ZNF454: variants seen among roughly 807,000 people sequenced by gnomAD.
The protein encoded by ZNF454 is zinc finger protein 454.
A neutral mutation model predicts 48.2 loss-of-function variants in ZNF454; 30 were observed. The ratio of observed to expected loss-of-function variants is 0.62; its 90% confidence interval spans 0.47 to 0.84. The LOEUF (loss-of-function observed/expected upper bound fraction) is 0.84. Among genes scored for constraint, ZNF454 ranks in the 40% least tolerant of loss-of-function variants. ZNF454 has a pLI of 0.00. For synonymous variants in ZNF454, 204 were observed against 211.4 expected, an observed-to-expected ratio of 0.97 and a Z score of 0.30; for missense variants, 510 against 623.1, an observed-to-expected ratio of 0.82 and a Z score of 1.93.
chr5:178,956,059 A>C (rs983632794), intron 4 of ZNF454, among the ~76,000 whole-genome samples: 1 of 152,098 alleles, frequency 6.6e-6, no homozygotes, highest in Admixed American at 6.6e-5. Flanking sequence ...TTTGTCATTT[A>C]CCTCAAAACA....
Position 178,946,318 on chromosome 5 carries a change from G to A in ZNF454, c.34-41G>A. 1 of 1,607,860 alleles carries A rather than the reference G, an allele frequency of 6.2e-7. No individual in the cohort carries two copies. Among genetic ancestry groups the A allele is most frequent in the Non-Finnish European group, 8.5e-7 (1 of 1,178,114 alleles). On this transcript the variant is annotated intron_variant, in intron 2 of 4. Coordinates refer to ENST00000519564, the MANE Select transcript of ZNF454 (RefSeq NM_001178089.3). The surrounding 1 kb of genome is among the most constrained non-coding windows in gnomAD (Gnocchi z 4.5). ...TCTCTTTTCCAGAGAACCATGTGCA[G>A]GGGTAGCCCCTGGTCAAGGAGAATG...
chr5:178,968,541 T>C (rs1387211292), downstream of ZNF454, among the ~76,000 whole-genome samples: 1 of 152,188 alleles, frequency 6.6e-6, no homozygotes, highest in Non-Finnish European at 1.5e-5. Context: ...AAGCTGCATG[T>C]GAAGCAGTAT....
intron 1 of ZNF454, 26 bp from the exon 2 acceptor site, chr5:178,942,659 C>G: frequency 1.0e-6 from 1 of 994,760 alleles, no homozygotes. Context: ...TGTATGAGAG[C>G]TTTTGACCCA....
At chr5:178,982,795 C>T in the ZNF454 span, 8 of 750,542 alleles carry the variant, frequency 1.1e-5, no homozygotes, top group Non-Finnish European at 1.9e-5. Flanking sequence ...AGTGAATGAA[C>T]AAGCAGCCAG....
At chr5:178,949,693 T>C (rs1759480274) in intron 4 of ZNF454, among the ~76,000 whole-genome samples, 1 of 152,176 alleles carries the variant, frequency 6.6e-6, no homozygotes, top group African/African-American at 2.4e-5. Context: ...CTTGGTTCAC[T>C]GCAATCTCCG....
intron 4 of ZNF454, among the ~76,000 whole-genome samples, chr5:178,964,245 T>A (rs997958013): frequency 1.3e-5 from 2 of 151,598 alleles, no homozygotes; most frequent in Non-Finnish European, 2.9e-5. Context: ...CTCAGCCTCC[T>A]GAGTAGCTGG....
chr5:178,981,409 C>T, the ZNF454 span: 27 of 536,788 alleles, frequency 5.0e-5, no homozygotes, highest in South Asian at 2.3e-4. The surrounding 1 kb of genome is among the most constrained non-coding windows in gnomAD (Gnocchi z 5.1). Context: ...AGAACCTTCT[C>T]GGTGGCTGTT....
At chr5:178,988,192 C>A in the ZNF454 span, among the ~76,000 whole-genome samples, 1,129 of 152,268 alleles carry the variant, frequency 7.4e-3, 12 homozygotes, top group Middle Eastern at 0.044. This position sits in a 1 kb window ranked among gnomAD's most constrained non-coding sequence, Gnocchi z 6.0. Flanking sequence ...AGTTCAGACA[C>A]GGAGAGAGGT....
chr5:178,952,729 T>G (rs1299888322), intron 4 of ZNF454, among the ~76,000 whole-genome samples: 1 of 144,832 alleles, frequency 6.9e-6, no homozygotes. Context: ...ATAAGTTAAT[T>G]TCTAATAATA....
At chr5:178,985,555 T>G in the ZNF454 span, 7 of 336,252 alleles carry the variant, frequency 2.1e-5, no homozygotes, top group East Asian at 8.3e-5. Context: ...TACAAAAAAT[T>G]AGCCGGGCGT....
chr5:178,966,102 G>A lies in ZNF454; in HGVS notation c.*129G>A. The A allele has an allele frequency of 1.2e-6, 1 of 856,406 alleles. No homozygotes were observed. The highest frequency in any genetic ancestry group is 1.9e-5 in the South Asian group (1 of 52,726). The allele number at this position is 856,406 out of a possible 1,614,324, so 53.1% of individuals were successfully genotyped here. ...AGTCACTTTATTTACTGAGGGTCAG[G>A]TTTCACAGTGTCATGGGGTTTGGGC... On this transcript the variant is annotated 3_prime_UTR_variant, in exon 5 of 5. Transcript: ENST00000519564.
chr5:178,986,588 C>G, the ZNF454 span: 2 of 1,606,030 alleles, frequency 1.2e-6, no homozygotes, highest in East Asian at 2.2e-5. Flanking sequence ...GGACAGGCCT[C>G]GCATGTGAAC....
At chr5:178,981,579 C>G in the ZNF454 span, 14 of 1,135,726 alleles carry the variant, frequency 1.2e-5, no homozygotes, top group Non-Finnish European at 1.8e-5. This position sits in a 1 kb window ranked among gnomAD's most constrained non-coding sequence, Gnocchi z 5.1. Context: ...ACCGTGGACC[C>G]GGGCTCTATA....
At chr5:178,956,467 C>T (rs1303280702) in intron 4 of ZNF454, among the ~76,000 whole-genome samples, 1 of 150,824 alleles carries the variant, frequency 6.6e-6, no homozygotes, top group Non-Finnish European at 1.5e-5. Context: ...ACACAGTTCT[C>T]CCGCCCCAGG....
the ZNF454 span, chr5:178,985,117 A>G: frequency 1.6e-5 from 5 of 321,976 alleles, no homozygotes; most frequent in South Asian, 9.6e-5. Context: ...AAAATGTTGG[A>G]CCCTGTGCCT....
At chr5:178,983,388 A>G in the ZNF454 span, 1 of 724,876 alleles carries the variant, frequency 1.4e-6, no homozygotes, top group South Asian at 1.5e-5. Context: ...AGAAGAGGGG[A>G]TGGCAGCCCA....
At chr5:178,986,115 A>G in the ZNF454 span, 1 of 1,610,438 alleles carries the variant, frequency 6.2e-7, no homozygotes, top group Non-Finnish European at 8.5e-7. Flanking sequence ...GGCCCTTGGG[A>G]GCCTACGGAC....
At chr5:178,970,916 A>C (rs1165280028), downstream of ZNF454, among the ~76,000 whole-genome samples, 1 of 152,098 alleles carries the variant, frequency 6.6e-6, no homozygotes, top group Non-Finnish European at 1.5e-5. Flanking sequence ...CCCCACAATG[A>C]CCATCGAAGC....
At chr5:178,968,665 G>T (rs947970267), downstream of ZNF454, 11 of 407,492 alleles carry the variant, frequency 2.7e-5, no homozygotes, top group Admixed American at 2.4e-4. Context: ...CACGTTCACT[G>T]CTACAGATGT....
Sources: gnomAD v4.1 joint callset for allele counts (sites outside exome capture counted in the v4.1 genomes callset) on GRCh38, gnomAD v4.1.1 for gene constraint, Gnocchi (gnomAD v3.1) non-coding constraint, MANE v1.5 for transcripts, NCBI Gene and HGNC (gene_info 2026-07-23, HGNC 2026-07-21) for gene names.